AGBL4: variants seen among roughly 807,000 people sequenced by gnomAD.
AGBL4 encodes the protein cytosolic carboxypeptidase 6.
A neutral mutation model predicts 66.4 loss-of-function variants in AGBL4; 58 were observed. That is an observed-to-expected ratio of 0.87 (90% confidence interval 0.71 to 1.09). The LOEUF (loss-of-function observed/expected upper bound fraction) is 1.09, where lower values mean the gene tolerates loss of function less well. AGBL4 is among the 50% of genes least tolerant of loss of function. AGBL4 has a pLI of 0.00. For synonymous variants in AGBL4, 234 were observed against 222.9 expected (o/e 1.05, Z -0.44); for missense variants, 579 against 631.0 (o/e 0.92, Z 0.88).
chr1:48,698,574 C>T (rs1646751544), intron 6 of AGBL4, among the ~76,000 whole-genome samples: 1 of 152,194 alleles, frequency 6.6e-6, no homozygotes, highest in Non-Finnish European at 1.5e-5. Context: ...TAGTCCTGCC[C>T]AGCTCACAGC....
At chr1:49,414,766 G>A (rs1337756951) in intron 3 of AGBL4, among the ~76,000 whole-genome samples, 1 of 152,132 alleles carries the variant, frequency 6.6e-6, no homozygotes, top group Non-Finnish European at 1.5e-5. Context: ...TTCTAGCTCT[G>A]ACTCCTAATC....
intron 4 of AGBL4, among the ~76,000 whole-genome samples, chr1:49,155,090 A>G (rs905599073): frequency 2.0e-5 from 3 of 152,228 alleles, no homozygotes; most frequent in Admixed American, 6.5e-5. Context: ...TTTCAAAAAT[A>G]TAGGTTTTAG....
intron 1 of AGBL4, among the ~76,000 whole-genome samples, chr1:49,881,826 A>C (rs919293655): frequency 2.0e-5 from 3 of 151,408 alleles, no homozygotes; most frequent in Admixed American, 2.0e-4. Context: ...ATTTTCTCCC[A>C]TTTTGTGGGT....
At chr1:48,527,379 G>A in the AGBL4 span, among the ~76,000 whole-genome samples, 5 of 151,940 alleles carry the variant, frequency 3.3e-5, no homozygotes, top group Non-Finnish European at 5.9e-5. Context: ...GGTGGATCAC[G>A]AGGTCAGGAG....
chr1:49,537,748 C>A (rs1476294889), intron 3 of AGBL4, among the ~76,000 whole-genome samples: 1 of 152,072 alleles, frequency 6.6e-6, no homozygotes, highest in African/African-American at 2.4e-5. Context: ...AAGGGTGAAA[C>A]CCCGTCTCTT....
At chr1:48,992,743 C>T (rs1279626649) in intron 5 of AGBL4, among the ~76,000 whole-genome samples, 1 of 152,034 alleles carries the variant, frequency 6.6e-6, no homozygotes, top group Non-Finnish European at 1.5e-5. Context: ...AAGCAGAGGC[C>T]TCTCTCCCTG....
chr1:49,123,011 G>A (rs1001328545), intron 4 of AGBL4, among the ~76,000 whole-genome samples: 11 of 151,948 alleles, frequency 7.2e-5, no homozygotes, highest in Admixed American at 1.3e-4. Flanking sequence ...CCGCAACCAT[G>A]CCCAGCTAAT....
At chr1:49,530,735 A>T (rs1651075257) in intron 3 of AGBL4, among the ~76,000 whole-genome samples, 1 of 152,096 alleles carries the variant, frequency 6.6e-6, no homozygotes, top group Non-Finnish European at 1.5e-5. Context: ...AAGAAAGTCC[A>T]AGGAAAAGTG....
intron 6 of AGBL4, among the ~76,000 whole-genome samples, chr1:48,813,387 A>C (rs1384438832): frequency 6.6e-6 from 1 of 152,202 alleles, no homozygotes; most frequent in East Asian, 1.9e-4. Context: ...ATGAGTGGAA[A>C]TAAGCAATGG....
At chr1:48,812,416 A>G (rs569155602) in intron 6 of AGBL4, among the ~76,000 whole-genome samples, 1 of 152,252 alleles carries the variant, frequency 6.6e-6, no homozygotes, top group African/African-American at 2.4e-5. Context: ...TATTTCCCCC[A>G]CCTGCTCCTG....
At chr1:49,737,906 G>A (rs542708430) in intron 2 of AGBL4, among the ~76,000 whole-genome samples, 13 of 152,326 alleles carry the variant, frequency 8.5e-5, no homozygotes, top group African/African-American at 2.4e-4. Flanking sequence ...CACAGAAGAC[G>A]AATGATTTCT....
intron 2 of AGBL4, among the ~76,000 whole-genome samples, chr1:49,715,445 T>C (rs1648038047): frequency 6.6e-6 from 1 of 152,182 alleles, no homozygotes; most frequent in Non-Finnish European, 1.5e-5. Flanking sequence ...TGTGTCTTAA[T>C]AGTAGAATGA....
At chr1:48,894,494 G>A (rs1420483305) in intron 5 of AGBL4, among the ~76,000 whole-genome samples, 1 of 152,078 alleles carries the variant, frequency 6.6e-6, no homozygotes, top group Non-Finnish European at 1.5e-5. Context: ...GCTAATGATT[G>A]GGAATTGGTT....
chr1:49,598,287 C>T (rs897803831), intron 3 of AGBL4, among the ~76,000 whole-genome samples: 15 of 152,208 alleles, frequency 9.9e-5, no homozygotes, highest in South Asian at 4.1e-4. Flanking sequence ...GGAGGAGATG[C>T]GCTCTGCTTT....
At chr1:49,631,995 ATG>A (rs1190425969) in intron 3 of AGBL4, among the ~76,000 whole-genome samples, 1 of 152,130 alleles carries the variant, frequency 6.6e-6, no homozygotes, top group Non-Finnish European at 1.5e-5. Context: ...TTAGTCAACT[ATG>A]CTCCCCACAG....
At chr1:49,822,340 T>TG (rs200308180) in intron 2 of AGBL4, among the ~76,000 whole-genome samples, 47 of 151,972 alleles carry the variant, frequency 3.1e-4, no homozygotes, top group African/African-American at 1.1e-3. Context: ...TGTGTGTGTG[T>TG]TTGTGTGAGA....
At chr1:49,948,362 A>C (rs1385115972) in intron 1 of AGBL4, among the ~76,000 whole-genome samples, 4 of 116,304 alleles carry the variant, frequency 3.4e-5, no homozygotes, top group African/African-American at 1.4e-4. Flanking sequence ...ATAAATATAT[A>C]AATACATAAA....
rs762781726 is a variant in AGBL4 at position 49,045,627 on chromosome 1, C to G, written c.551G>C (p.Arg184Thr). The part of the protein sequence containing the change: ...FQHYLDSLQK[R>T]NMDYFFREQL... ...CTCCCGAAAGAAGTAATCCATGTTT[C>G]TCTTTTGCAGGCTGTCAAGGTAATG... is the stretch of plus-strand genomic sequence containing the variant. The change falls in exon 5 of 14, where the codon AGA becomes ACA. Residue 184 changes from arginine (R) to threonine (T), a missense_variant. Physicochemically the swap from Arg to Thr is moderately conservative, Grantham distance 71. Transcript: ENST00000371839. 6 of 1,602,044 alleles carry G rather than the reference C, an allele frequency of 3.7e-6. No homozygotes were observed. The East Asian group carries it at 1.3e-4, about 36-fold the overall frequency.
chr1:49,375,966 C>T (rs531440288), intron 3 of AGBL4, among the ~76,000 whole-genome samples: 68 of 152,100 alleles, frequency 4.5e-4, no homozygotes, highest in Non-Finnish European at 8.1e-4. Context: ...CACTCTCACT[C>T]CCCAGAAGAG....
Sources: gnomAD v4.1 joint callset for allele counts (sites outside exome capture counted in the v4.1 genomes callset) on GRCh38, gnomAD v4.1.1 for gene constraint, MANE v1.5 for transcripts, NCBI Gene and HGNC (gene_info 2026-07-23, HGNC 2026-07-21) for gene names.